HTR1E: variants seen among roughly 807,000 people sequenced by gnomAD.
HTR1E encodes 5-HT-1E.
Under a neutral mutation model 3.4 loss-of-function variants are expected in HTR1E, and 3 were observed. The ratio of observed to expected loss-of-function variants is 0.89; its 90% CI spans 0.41 to 2.31. HTR1E has a LOEUF of 2.31. Among genes scored for constraint, HTR1E ranks in the 30% most tolerant of loss-of-function variants. HTR1E has a pLI of 0.05. For missense variants in HTR1E, 392 were observed against 467.0 expected (o/e 0.84, Z 1.48); for synonymous variants, 170 against 182.8 (o/e 0.93, Z 0.56).
chr6:87,014,655 A>G (rs1050074159), intron 1 of HTR1E, among the ~76,000 whole-genome samples: 4 of 152,214 alleles, frequency 2.6e-5, no homozygotes, highest in African/African-American at 9.6e-5. Flanking sequence ...TGTCCTTTGC[A>G]GGGACATGGA....
intron 1 of HTR1E, among the ~76,000 whole-genome samples, chr6:86,955,129 T>A (rs1408092425): frequency 6.6e-6 from 1 of 152,160 alleles, no homozygotes; most frequent in African/African-American, 2.4e-5. Context: ...GGCAATCTCT[T>A]CACTGGCACC....
Position 86,954,795 on chromosome 6 carries a change from G to A in HTR1E, c.-186+16972G>A, listed in dbSNP as rs538811569. ...ATTTTTTTCTGAGTCTGAAGTGCCC[G>A]TAGATACTCTTAATTCTTCTAGAAA... On this transcript the variant is annotated intron_variant, in intron 1 of 1. Transcript: ENST00000305344. Among the ~76,000 whole-genome samples the A allele has an allele frequency of 9.2e-5, 14 of 152,262 alleles. No homozygotes were observed. The East Asian group carries it at 1.4e-3, about 15-fold the overall frequency.
chr6:87,010,499 C>T (rs1768207070), intron 1 of HTR1E, among the ~76,000 whole-genome samples: 1 of 143,330 alleles, frequency 7.0e-6, no homozygotes, highest in Non-Finnish European at 1.5e-5. Context: ...GCGCTCCTCA[C>T]ATCCCAGATG....
At chr6:86,993,685 G>A (rs574903337) in intron 1 of HTR1E, among the ~76,000 whole-genome samples, 37 of 151,944 alleles carry the variant, frequency 2.4e-4, no homozygotes, top group Non-Finnish European at 4.7e-4. Flanking sequence ...CTGGAGCAAC[G>A]TCAGAGGAAG....
intron 1 of HTR1E, among the ~76,000 whole-genome samples, chr6:86,991,524 T>C (rs745487120): frequency 2.0e-5 from 3 of 152,190 alleles, no homozygotes; most frequent in Non-Finnish European, 4.4e-5. Flanking sequence ...TGCTCTTCCC[T>C]GGAGCATGGT....
chr6:87,009,499 C>CT (rs1768169192), intron 1 of HTR1E, among the ~76,000 whole-genome samples: 1 of 151,322 alleles, frequency 6.6e-6, no homozygotes, highest in South Asian at 2.1e-4. Context: ...ATTTCTCAAT[C>CT]TTTTCCCCAC....
intron 1 of HTR1E, among the ~76,000 whole-genome samples, chr6:87,014,289 T>C (rs899654185): frequency 7.0e-6 from 1 of 142,468 alleles, no homozygotes; most frequent in Non-Finnish European, 1.5e-5. Flanking sequence ...ATAATAATAA[T>C]AATAAGGCAG....
At chr6:86,962,995 A>G (rs991708773) in intron 1 of HTR1E, among the ~76,000 whole-genome samples, 7 of 152,124 alleles carry the variant, frequency 4.6e-5, no homozygotes, top group Non-Finnish European at 8.8e-5. Context: ...AAAAATGTTA[A>G]CTGACAAACA....
At chr6:86,994,140 T>C (rs1243625651) in intron 1 of HTR1E, among the ~76,000 whole-genome samples, 1 of 152,132 alleles carries the variant, frequency 6.6e-6, no homozygotes, top group Non-Finnish European at 1.5e-5. Context: ...TGGGGACTTG[T>C]GAGATGTAAC....
At chr6:86,998,753 T>G (rs1210272661) in intron 1 of HTR1E, among the ~76,000 whole-genome samples, 1 of 151,952 alleles carries the variant, frequency 6.6e-6, no homozygotes, top group Non-Finnish European at 1.5e-5. Flanking sequence ...TAGGTAATAA[T>G]AGAAGAAATT....
intron 1 of HTR1E, among the ~76,000 whole-genome samples, chr6:87,005,609 A>C (rs1306618191): frequency 6.6e-6 from 1 of 152,206 alleles, no homozygotes; most frequent in African/African-American, 2.4e-5. Flanking sequence ...TTAAAGACTT[A>C]AATCTAAGAC....
intron 1 of HTR1E, among the ~76,000 whole-genome samples, chr6:86,948,620 C>G (rs1268767620): frequency 1.3e-5 from 2 of 152,134 alleles, no homozygotes; most frequent in Non-Finnish European, 2.9e-5. Flanking sequence ...AAGTAACAAT[C>G]TAATTGGGGT....
At chr6:86,983,609 G>T (rs551872418) in intron 1 of HTR1E, among the ~76,000 whole-genome samples, 1 of 152,220 alleles carries the variant, frequency 6.6e-6, no homozygotes, top group East Asian at 1.9e-4. Flanking sequence ...CCACAATAGG[G>T]TGACTATAGT....
At chr6:86,998,943 T>G (rs1272275511) in intron 1 of HTR1E, among the ~76,000 whole-genome samples, 2 of 151,978 alleles carry the variant, frequency 1.3e-5, no homozygotes, top group Non-Finnish European at 2.9e-5. Flanking sequence ...GGGGGGGTTG[T>G]TTTTTTGTTT....
intron 1 of HTR1E, among the ~76,000 whole-genome samples, chr6:87,008,166 A>G (rs1034791824): frequency 6.6e-6 from 1 of 152,250 alleles, no homozygotes; most frequent in African/African-American, 2.4e-5. Flanking sequence ...TATTCCAATC[A>G]CAATTTAAAT....
At chr6:86,977,100 C>T (rs572455387) in intron 1 of HTR1E, among the ~76,000 whole-genome samples, 42 of 151,994 alleles carry the variant, frequency 2.8e-4, no homozygotes, top group Non-Finnish European at 5.3e-4. Context: ...GTGGGGTATA[C>T]ATCTGCAGGT....
At chr6:86,979,831 T>C (rs1399141843) in intron 1 of HTR1E, among the ~76,000 whole-genome samples, 2 of 152,136 alleles carry the variant, frequency 1.3e-5, no homozygotes, top group Non-Finnish European at 1.5e-5. Context: ...GGAGAAGCCA[T>C]TACCGCTTCT....
intron 1 of HTR1E, among the ~76,000 whole-genome samples, chr6:86,947,539 A>C (rs1767138892): frequency 6.6e-6 from 1 of 152,148 alleles, no homozygotes; most frequent in African/African-American, 2.4e-5. Context: ...AAATGTAGTT[A>C]AAGTTACTCT....
At chr6:86,997,343 G>A (rs572701092) in intron 1 of HTR1E, among the ~76,000 whole-genome samples, 17 of 151,660 alleles carry the variant, frequency 1.1e-4, no homozygotes, top group African/African-American at 2.9e-4. Context: ...AGATCTAACC[G>A]CTAAAATAAG....
Sources: allele counts gnomAD v4.1 joint callset (sites outside exome capture counted in the v4.1 genomes callset), GRCh38; gene constraint gnomAD v4.1.1; transcripts MANE v1.5; gene names NCBI Gene and HGNC (gene_info 2026-07-23, HGNC 2026-07-21).